Variants in MYO1D observed in about 807,000 individuals in gnomAD.
The protein encoded by MYO1D is unconventional myosin-Id.
Under a neutral mutation model 122.0 loss-of-function variants are expected in MYO1D, and 83 were observed. The observed-to-expected ratio is 0.68, with a 90% CI of 0.57 to 0.82. The LOEUF (loss-of-function observed/expected upper bound fraction) is 0.82. Ranked by LOEUF, MYO1D falls within the 40% of genes least tolerant of loss-of-function variation. The pLI, the probability that MYO1D is intolerant of heterozygous loss-of-function variation, is 0.00. For missense variants in MYO1D, 1,157 were observed against 1,269.5 expected (o/e 0.91, Z 1.35); for synonymous variants, 464 against 446.9 (o/e 1.04, Z -0.48).
chr17:32,869,015 C>A (rs2151092280), intron 1 of MYO1D, among the ~76,000 whole-genome samples: 1 of 151,206 alleles, frequency 6.6e-6, no homozygotes, highest in South Asian at 2.1e-4. Flanking sequence ...TTGAGACCAG[C>A]CTGACCAACA....
At chr17:32,824,125 A>C (rs940870040) in intron 1 of MYO1D, among the ~76,000 whole-genome samples, 1 of 151,896 alleles carries the variant, frequency 6.6e-6, no homozygotes, top group Non-Finnish European at 1.5e-5. Flanking sequence ...GTAAAACAGA[A>C]CTGAGACCAA....
intron 21 of MYO1D, among the ~76,000 whole-genome samples, chr17:32,578,554 G>A (rs1466324188): frequency 1.3e-5 from 2 of 152,190 alleles, no homozygotes; most frequent in Non-Finnish European, 2.9e-5. Flanking sequence ...TAGCTTTTGA[G>A]TTTGAAATAA....
intron 21 of MYO1D, among the ~76,000 whole-genome samples, chr17:32,555,733 C>T (rs537075655): frequency 1.4e-4 from 21 of 152,298 alleles, no homozygotes; most frequent in Middle Eastern, 3.4e-3. Flanking sequence ...CCCACAATAG[C>T]CACACCCCTC....
At chr17:32,534,333 A>AT (rs1353164229) in intron 21 of MYO1D, among the ~76,000 whole-genome samples, 6 of 151,794 alleles carry the variant, frequency 4.0e-5, no homozygotes, top group African/African-American at 1.5e-4. Context: ...TACCCACCTA[A>AT]TTTTTTAATT....
At chr17:32,677,045 C>T (rs982797608) in intron 16 of MYO1D, among the ~76,000 whole-genome samples, 8 of 152,050 alleles carry the variant, frequency 5.3e-5, no homozygotes, top group Admixed American at 3.9e-4. Context: ...CTCCTGACTT[C>T]GTGATCTGCC....
At chr17:32,567,419 G>A (rs556874677) in intron 21 of MYO1D, among the ~76,000 whole-genome samples, 1 of 152,198 alleles carries the variant, frequency 6.6e-6, no homozygotes, top group Admixed American at 6.5e-5. Flanking sequence ...ACCTGTGCTG[G>A]GGGTTTGGCT....
chr17:32,783,547 C>G (rs756370690), intron 1 of MYO1D, among the ~76,000 whole-genome samples: 5 of 152,236 alleles, frequency 3.3e-5, no homozygotes, highest in African/African-American at 4.8e-5. Context: ...GAATGCATAA[C>G]TATTAACTCA....
chr17:32,719,154 T>C (rs547383223), intron 15 of MYO1D, among the ~76,000 whole-genome samples: 21 of 152,314 alleles, frequency 1.4e-4, no homozygotes, highest in Middle Eastern at 3.4e-3. Flanking sequence ...AGCCAAAATA[T>C]AATTTTCATC....
At chr17:32,535,274 C>G (rs1910627180) in intron 21 of MYO1D, among the ~76,000 whole-genome samples, 1 of 152,132 alleles carries the variant, frequency 6.6e-6, no homozygotes, top group African/African-American at 2.4e-5. Context: ...AAGCATAAAA[C>G]TGAAAATGCA....
chr17:32,630,427 T>C (rs1385100710), intron 20 of MYO1D, among the ~76,000 whole-genome samples: 3 of 152,182 alleles, frequency 2.0e-5, no homozygotes, highest in African/African-American at 7.2e-5. Flanking sequence ...TAACTTACAA[T>C]GGGCAAATTT....
At chr17:32,736,061 CTT>C (rs76959378) in intron 14 of MYO1D, among the ~76,000 whole-genome samples, 1 of 142,334 alleles carries the variant, frequency 7.0e-6, no homozygotes, top group African/African-American at 2.6e-5. Context: ...AAATGCAACT[CTT>C]TTTTTTTTTT....
intron 21 of MYO1D, among the ~76,000 whole-genome samples, chr17:32,542,752 T>C (rs1196600046): frequency 6.6e-6 from 1 of 152,152 alleles, no homozygotes; most frequent in Non-Finnish European, 1.5e-5. Flanking sequence ...AAATATTTCC[T>C]GTATAAGCAC....
intron 15 of MYO1D, among the ~76,000 whole-genome samples, chr17:32,716,180 T>G (rs985478622): frequency 1.3e-5 from 2 of 152,236 alleles, no homozygotes; most frequent in Non-Finnish European, 2.9e-5. Context: ...GCACATGCTG[T>G]TCCCACTGCC....
chr17:32,527,627 T>C (rs1910382797), intron 21 of MYO1D, among the ~76,000 whole-genome samples: 1 of 147,724 alleles, frequency 6.8e-6, no homozygotes, highest in African/African-American at 2.5e-5. Flanking sequence ...ACCCCGTCTA[T>C]ACTAAAAATA....
chr17:32,649,567 C>CTTTTTTTTTTTTTTTTTTTT (rs35514290), intron 19 of MYO1D, among the ~76,000 whole-genome samples: 1 of 94,082 alleles, frequency 1.1e-5, no homozygotes, highest in African/African-American at 4.4e-5. Flanking sequence ...TTCTTTCTTT[C>CTTTTTTTTTTTTTTTTTTTT]TTTTTTTTTT....
At chr17:32,836,125 A>G (rs575600045) in intron 1 of MYO1D, among the ~76,000 whole-genome samples, 56 of 152,362 alleles carry the variant, frequency 3.7e-4, no homozygotes, top group African/African-American at 1.3e-3. Context: ...CACTCCTCCA[A>G]CCATATGATA....
intron 19 of MYO1D, among the ~76,000 whole-genome samples, chr17:32,653,601 C>T (rs1483227045): frequency 4.8e-5 from 5 of 104,772 alleles, no homozygotes; most frequent in East Asian, 5.5e-4. Context: ...AGTAAAACTC[C>T]GTCTCCAAAA....
intron 4 of MYO1D, among the ~76,000 whole-genome samples, chr17:32,774,924 G>C (rs2090158090): frequency 6.6e-6 from 1 of 152,206 alleles, no homozygotes; most frequent in Non-Finnish European, 1.5e-5. Context: ...GTGGAGACTT[G>C]ATTTTATAAA....
intron 16 of MYO1D, among the ~76,000 whole-genome samples, chr17:32,675,482 A>G (rs2088794325): frequency 6.6e-6 from 1 of 152,198 alleles, no homozygotes; most frequent in Non-Finnish European, 1.5e-5. Flanking sequence ...GTATTTGAAA[A>G]TTGAGGTTTC....
Sources: gnomAD v4.1 joint callset for allele counts (sites outside exome capture counted in the v4.1 genomes callset) on GRCh38, gnomAD v4.1.1 for gene constraint, MANE v1.5 for transcripts, NCBI Gene and HGNC (gene_info 2026-07-23, HGNC 2026-07-21) for gene names.